UNC5D: variants seen among roughly 807,000 people sequenced by gnomAD.
UNC5D encodes the protein unc-5 netrin receptor D, also known as netrin receptor UNC5D.
In UNC5D, 39 loss-of-function variants were observed where a neutral mutation model predicts 105.4. That is an observed-to-expected ratio of 0.37 (90% CI 0.29 to 0.48). The LOEUF is 0.48. Among genes scored for constraint, UNC5D ranks in the 20% least tolerant of loss-of-function variants. The probability of loss-of-function intolerance (pLI) is 0.98; values close to 1 mark genes in which losing one functional copy is unlikely to be tolerated. For synonymous variants in UNC5D, 452 were observed against 450.4 expected (o/e 1.00, Z -0.04); for missense variants, 991 against 1,202.4 (o/e 0.82, Z 2.60).
chr8:35,628,617 G>C (rs1195823417), intron 4 of UNC5D, among the ~76,000 whole-genome samples: 8 of 152,136 alleles, frequency 5.3e-5, no homozygotes. Flanking sequence ...TTTGCAACTA[G>C]TCTGAAATGA....
At chr8:35,299,810 C>A (rs1807786085) in intron 1 of UNC5D, among the ~76,000 whole-genome samples, 1 of 152,076 alleles carries the variant, frequency 6.6e-6, no homozygotes, top group Non-Finnish European at 1.5e-5. Flanking sequence ...AATGATAGTG[C>A]AGCTACACAG....
intron 8 of UNC5D, 97 bp from the exon 9 acceptor site, chr8:35,722,113 G>C: frequency 7.3e-7 from 1 of 1,368,764 alleles, no homozygotes; most frequent in East Asian, 2.3e-5. Context: ...CTGAGCAGTA[G>C]CTCCAAAAAT....
At chr8:35,779,498 G>T (rs1245653463) in intron 16 of UNC5D, among the ~76,000 whole-genome samples, 3 of 151,950 alleles carry the variant, frequency 2.0e-5, no homozygotes, top group African/African-American at 7.3e-5. Context: ...TTTCTCTGTT[G>T]CCCACACTGG....
intron 1 of UNC5D, among the ~76,000 whole-genome samples, chr8:35,498,386 A>T (rs1216878772): frequency 6.6e-6 from 1 of 152,166 alleles, no homozygotes; most frequent in Admixed American, 6.6e-5. Context: ...GATATGTGCA[A>T]TGTAAATCTG....
chr8:35,388,608 G>C (rs969578559), intron 1 of UNC5D, among the ~76,000 whole-genome samples: 53 of 152,256 alleles, frequency 3.5e-4, no homozygotes, highest in African/African-American at 1.3e-3. Flanking sequence ...TACATAGTAT[G>C]GTTGTAGATT....
chr8:35,491,473 A>G (rs1263468605), intron 1 of UNC5D, among the ~76,000 whole-genome samples: 2 of 152,200 alleles, frequency 1.3e-5, no homozygotes. Context: ...TTACTACATC[A>G]CCATTTTCTT....
intron 1 of UNC5D, among the ~76,000 whole-genome samples, chr8:35,320,990 T>C (rs1194528662): frequency 6.6e-6 from 1 of 152,172 alleles, no homozygotes; most frequent in African/African-American, 2.4e-5. Context: ...CTTCAAAAAC[T>C]TGGGTATCTC....
chr8:35,755,285 G>A (rs1176929579), intron 13 of UNC5D, among the ~76,000 whole-genome samples: 5 of 151,478 alleles, frequency 3.3e-5, no homozygotes, highest in Admixed American at 2.6e-4. Flanking sequence ...GGTTTTTTTT[G>A]CCATTGCTCC....
At chr8:35,577,951 G>A (rs1336431408) in intron 3 of UNC5D, among the ~76,000 whole-genome samples, 1 of 152,036 alleles carries the variant, frequency 6.6e-6, no homozygotes, top group African/African-American at 2.4e-5. Flanking sequence ...GTGACCTGGC[G>A]CAGTAGCTCA....
chr8:35,404,882 G>A (rs944460578), intron 1 of UNC5D, among the ~76,000 whole-genome samples: 5 of 152,020 alleles, frequency 3.3e-5, no homozygotes, highest in Admixed American at 6.6e-5. Context: ...GAGCCACCGC[G>A]CCTGGGTCCC....
chr8:35,619,544 G>C (rs1222317580), intron 4 of UNC5D, among the ~76,000 whole-genome samples: 1 of 152,176 alleles, frequency 6.6e-6, no homozygotes, highest in African/African-American at 2.4e-5. Flanking sequence ...TGAGCGACTT[G>C]CTTCTCAAGC....
At chr8:35,768,519 C>T (rs1157027209) in intron 15 of UNC5D, among the ~76,000 whole-genome samples, 1 of 152,158 alleles carries the variant, frequency 6.6e-6, no homozygotes, top group Non-Finnish European at 1.5e-5. Context: ...AAAGGCATAA[C>T]ATAAAAGATC....
intron 16 of UNC5D, among the ~76,000 whole-genome samples, chr8:35,780,071 A>G (rs1194575027): frequency 2.0e-5 from 3 of 152,204 alleles, no homozygotes; most frequent in Non-Finnish European, 1.5e-5. Context: ...AGGCCGCCAC[A>G]ATGGAAGAAA....
At chr8:35,565,018 A>G (rs984246245) in intron 2 of UNC5D, among the ~76,000 whole-genome samples, 4 of 152,178 alleles carry the variant, frequency 2.6e-5, no homozygotes, top group Admixed American at 2.0e-4. Flanking sequence ...TTGATTCCCT[A>G]TCTTTGCAAT....
intron 16 of UNC5D, among the ~76,000 whole-genome samples, chr8:35,777,458 A>G (rs1034531228): frequency 1.3e-5 from 2 of 152,172 alleles, no homozygotes; most frequent in Admixed American, 6.5e-5. Context: ...TAACATATCA[A>G]TTTCACTGAG....
At chr8:35,573,326 A>G (rs1300052994) in intron 3 of UNC5D, among the ~76,000 whole-genome samples, 1 of 152,088 alleles carries the variant, frequency 6.6e-6, no homozygotes, top group Non-Finnish European at 1.5e-5. Context: ...GCCTGTAGTC[A>G]TGGCTACTCA....
intron 4 of UNC5D, among the ~76,000 whole-genome samples, chr8:35,658,575 A>G (rs1024742056): frequency 4.6e-5 from 7 of 152,098 alleles, no homozygotes; most frequent in African/African-American, 1.7e-4. Flanking sequence ...ATAAAAAATC[A>G]AGAATAGCTG....
At chr8:35,351,847 G>C (rs1300644040) in intron 1 of UNC5D, among the ~76,000 whole-genome samples, 1 of 152,002 alleles carries the variant, frequency 6.6e-6, no homozygotes, top group Non-Finnish European at 1.5e-5. Flanking sequence ...TATTAACAAA[G>C]GGTTAAAAGT....
intron 4 of UNC5D, among the ~76,000 whole-genome samples, chr8:35,611,477 A>G (rs1372751823): frequency 3.3e-5 from 5 of 152,226 alleles, no homozygotes; most frequent in Non-Finnish European, 2.9e-5. Context: ...AAAACACTTT[A>G]TGAAAATGTT....
Sources: gnomAD v4.1 joint callset for allele counts (sites outside exome capture counted in the v4.1 genomes callset) on GRCh38, gnomAD v4.1.1 for gene constraint, MANE v1.5 for transcripts, NCBI Gene and HGNC (gene_info 2026-07-23, HGNC 2026-07-21) for gene names.